Variants in SLAMF8 observed in about 807,000 individuals in gnomAD.
SLAMF8 encodes the protein B lymphocyte activator macrophage expressed.
Under a neutral mutation model 29.0 loss-of-function variants are expected in SLAMF8, and 23 were observed. That is an observed-to-expected ratio of 0.79 (90% confidence interval 0.57 to 1.13). The LOEUF (loss-of-function observed/expected upper bound fraction) is 1.13. SLAMF8 is among the 50% of genes most tolerant of loss of function. The pLI is 0.00. For synonymous variants in SLAMF8, 139 were observed against 145.6 expected, an observed-to-expected ratio of 0.96 and a Z score of 0.32; for missense variants, 381 against 353.1, an observed-to-expected ratio of 1.08 and a Z score of -0.63.
rs1008147780 is a variant in SLAMF8, at chr1:159,837,294, C to A, written c.*2034C>A. The A allele has an allele frequency of 3.0e-6, 3 of 985,340 alleles. No homozygotes were observed. Among genetic ancestry groups the A allele is most frequent in the African/African-American group, 1.7e-5 (1 of 57,230 alleles). The allele number at this position is 985,340 out of a possible 1,614,324, so 61.0% of individuals were successfully genotyped here. ...ACTAATTAACCCTCCACCAAAAAAACACAAAGTGCTTCTGTGAGACCAATT... is the reference window on the plus strand; with the variant it reads ...ACTAATTAACCCTCCACCAAAAAAAAACAAAGTGCTTCTGTGAGACCAATT... On this transcript the variant is annotated 3_prime_UTR_variant, in exon 5 of 5. Transcript: ENST00000289707.
At chr1:159,831,348 G>T (rs764734960) in intron 2 of SLAMF8, among the ~76,000 whole-genome samples, 4 of 151,826 alleles carry the variant, frequency 2.6e-5, no homozygotes, top group African/African-American at 9.7e-5. Context: ...GTCCTTGGGC[G>T]AGCCACTCAG....
intron 2 of SLAMF8, among the ~76,000 whole-genome samples, chr1:159,830,684 A>G (rs1647428067): frequency 6.6e-6 from 1 of 152,210 alleles, no homozygotes; most frequent in African/African-American, 2.4e-5. Flanking sequence ...AAGGAAAAAA[A>G]ATGATGTACC....
At position 159,835,592 on chromosome 1, in the gene SLAMF8, C is replaced by G; in HGVS notation, c.*332C>G. On this transcript the variant is annotated 3_prime_UTR_variant, in exon 5 of 5. Coordinates refer to ENST00000289707, the MANE Select transcript of SLAMF8 (RefSeq NM_020125.3). ...ATTAATAGTCCAAGGCATTCCCTCC[C>G]CCACCACTATTCATAAAGTATTAAC... The G allele has an allele frequency of 9.4e-7, 1 of 1,068,910 alleles. No individual in the cohort carries two copies. Among genetic ancestry groups the G allele is most frequent in the South Asian group, 4.0e-5 (1 of 25,156 alleles). The allele number at this position is 1,068,910 out of a possible 1,614,324, so 66.2% of individuals were successfully genotyped here.
Position 159,829,977 on chromosome 1 carries a change from G to T in SLAMF8, c.152G>T (p.Arg51Leu), listed in dbSNP as rs140969397. The change falls in exon 2 of 5, where the codon CGA becomes CTA. Residue 51 changes from arginine to leucine, a missense_variant. Arg to Leu is a moderately radical substitution (Grantham distance 102). Transcript: ENST00000289707. ...PGFQVREAIW[R>L]SLWPSEELLA... Reference sequence around the variant, plus strand: ...TTCCAAGTCCGTGAGGCTATCTGGCGATCTCTCTGGCCTTCAGAAGAGCTC... The same window carrying T: ...TTCCAAGTCCGTGAGGCTATCTGGCTATCTCTCTGGCCTTCAGAAGAGCTC... 1.2e-6 allele frequency: 2 copies of T among 1,614,242 alleles called. No homozygotes were observed. The highest frequency in any genetic ancestry group is 1.7e-5 in the Admixed American group (1 of 60,032).
At chr1:159,828,534 T>G (rs1483628478) in intron 1 of SLAMF8, among the ~76,000 whole-genome samples, 1 of 152,166 alleles carries the variant, frequency 6.6e-6, no homozygotes, top group Non-Finnish European at 1.5e-5. Context: ...ATAGGGTCAG[T>G]CCTCAGCAGG....
chr1:159,827,015 C>T (rs575765716), intron 1 of SLAMF8, 77 bp downstream of exon 1: 1 of 1,571,078 alleles, frequency 6.4e-7, no homozygotes, highest in Non-Finnish European at 8.7e-7. Context: ...GACGTCTGGG[C>T]AGGGATCCCT....
chr1:159,828,644 G>A (rs971512264), intron 1 of SLAMF8, among the ~76,000 whole-genome samples: 9 of 152,260 alleles, frequency 5.9e-5, no homozygotes, highest in South Asian at 2.1e-4. Flanking sequence ...AAGAGCTCAC[G>A]GTCTAGTGGG....
At position 159,832,898 on chromosome 1, in the gene SLAMF8, A is replaced by G. The variant is rs1303575286; in HGVS notation, c.390A>G (p.Val130=). The change falls in exon 3 of 5, where the codon GTA becomes GTG. Residue 130 remains valine, a synonymous_variant. Coordinates refer to ENST00000289707, the MANE Select transcript of SLAMF8 (RefSeq NM_020125.3). ...CAGATGCAGTGCCCAGGCCCGTGGTACAAGTGTTCATTGCTGTAGAAAGGG... is the reference window on the plus strand; with the variant it reads ...CAGATGCAGTGCCCAGGCCCGTGGTGCAAGTGTTCATTGCTGTAGAAAGGG... ...KVYDAVPRPV[V]QVFIAVERDA... is the part of the protein sequence containing the mutation. The G allele has an allele frequency of 2.5e-6, 4 of 1,614,012 alleles. No individual in the cohort carries two copies. In the African/African-American group the frequency reaches 5.3e-5, roughly 22 times the overall value.
chr1:159,834,396 G>A (rs1647741425), intron 4 of SLAMF8: 1 of 152,244 alleles, frequency 6.6e-6, no homozygotes. Flanking sequence ...CTGTGGGAGG[G>A]TATTGCCCTG....
In SLAMF8 at chr1:159,835,268, T is replaced by C. The variant is rs760163426; in HGVS notation, c.*8T>C. On this transcript the variant is annotated 3_prime_UTR_variant, in exon 5 of 5. Coordinates refer to ENST00000289707, the MANE Select transcript of SLAMF8 (RefSeq NM_020125.3). ...GTGCAGGATCTGCCATAAAGGACAA[T>C]ATGAACTGATGCCTGGACTATCAGT... 10 of 1,612,704 alleles carry C rather than the reference T, an allele frequency of 6.2e-6. No individual in the cohort carries two copies. The South Asian group carries it at 7.7e-5, about 12-fold the overall frequency.
chr1:159,832,241 T>C (rs1014329588), intron 2 of SLAMF8, among the ~76,000 whole-genome samples: 1 of 152,222 alleles, frequency 6.6e-6, no homozygotes, highest in East Asian at 1.9e-4. Flanking sequence ...CTTCACAGCA[T>C]TTTGCACCCT....
Position 159,828,757 on chromosome 1 carries a change from C to T in SLAMF8, c.41-1109C>T, listed in dbSNP as rs539767983. ...ACACAAGAGAGAATATGTAACCTCT[C>T]TTGGTTACATTACCTATGAGGGATA... On this transcript the variant is annotated intron_variant, in intron 1 of 4. Coordinates refer to ENST00000289707, the MANE Select transcript of SLAMF8 (RefSeq NM_020125.3). Among the ~76,000 whole-genome samples, 3 of 152,256 alleles carry T rather than the reference C, an allele frequency of 2.0e-5. No individual in the cohort carries two copies. The South Asian group carries it at 6.2e-4, about 32-fold the overall frequency.
rs766523263 is a variant in SLAMF8 at position 159,833,001 on chromosome 1, C to T, written c.493C>T (p.Arg165Ter). The T allele has an allele frequency of 1.5e-5, 25 of 1,614,194 alleles. No individual in the cohort carries two copies. Among genetic ancestry groups the T allele is most frequent in the South Asian group, 4.4e-5 (4 of 91,084 alleles). ...PNISEITYSW[R>*]RETTMDFGME... Reference sequence around the variant, plus strand: ...CATCAGCGAAATAACCTATAGCTGGCGACGGGAGACAACCATGGACTTTGG... The same window carrying T: ...CATCAGCGAAATAACCTATAGCTGGTGACGGGAGACAACCATGGACTTTGG... Residue 165 changes from arginine (R) to a stop codon, truncating the protein, a stop_gained, in exon 3 of 5, where the codon CGA (arginine) becomes TGA (stop). Coordinates refer to ENST00000289707, the MANE Select transcript of SLAMF8 (RefSeq NM_020125.3). LOFTEE classifies it high-confidence loss of function.
At chr1:159,833,869 T>G (rs1647688133) in intron 4 of SLAMF8, among the ~76,000 whole-genome samples, 1 of 152,190 alleles carries the variant, frequency 6.6e-6, no homozygotes, top group Non-Finnish European at 1.5e-5. Context: ...ATGTCAGTGG[T>G]TCCCAGAACA....
rs74356203 is a variant in SLAMF8 at position 159,836,277 on chromosome 1, G to C, written c.*1017G>C. ...ATGCAAATGCAGAAGACTTACCTTA[G>C]TTCAAGGGGAGGGGACAAAGACCCC... On this transcript the variant is annotated 3_prime_UTR_variant, in exon 5 of 5. Transcript: ENST00000289707. 0.039 allele frequency: 37,953 copies of C among 985,114 alleles called. 745 individuals are homozygous for C. The highest frequency in any genetic ancestry group is 0.042 in the Non-Finnish European group (35,100 of 829,640). 61.0% of individuals were successfully genotyped at this position (985,114 alleles called of 1,614,324 possible). A position where few individuals can be genotyped will look rare whatever the true frequency, so the allele number is the denominator to read the frequency against.
At chr1:159,828,177 G>C (rs1663744444) in intron 1 of SLAMF8, among the ~76,000 whole-genome samples, 1 of 152,194 alleles carries the variant, frequency 6.6e-6, no homozygotes, top group African/African-American at 2.4e-5. Context: ...AAAGATCTGT[G>C]TGACTGACCT....
rs1647829771 is a variant in SLAMF8, at chr1:159,835,255, C to A, written c.853C>A (p.Pro285Thr). 6.2e-7 allele frequency: 1 copy of A among 1,613,536 alleles called. No homozygotes were observed. The change falls in exon 5 of 5, where the codon CCA becomes ACA. Residue 285 changes from proline (P) to threonine (T), a missense_variant. Coordinates refer to ENST00000289707, the MANE Select transcript of SLAMF8 (RefSeq NM_020125.3). The part of the protein sequence containing the change: ...ETENPLVQDL[P>T] ...AGAGAACCCCCTTGTGCAGGATCTG[C>A]CATAAAGGACAATATGAACTGATGC...
In SLAMF8 at chr1:159,835,871, TGG is replaced by T; in HGVS notation, c.*613_*614del. The T allele has an allele frequency of 1.0e-6, 1 of 985,460 alleles. No homozygotes were observed. Among genetic ancestry groups the T allele is most frequent in the Non-Finnish European group, 1.2e-6 (1 of 829,972 alleles). The allele number at this position is 985,460 out of a possible 1,614,324, so 61.0% of individuals were successfully genotyped here. ...AGGACTTTCAGGTAATCAGAGTTCA[TGG>T]GCCCTCAAAGGTAAATTGCAGTTGT... On this transcript the variant is annotated 3_prime_UTR_variant, in exon 5 of 5. Transcript: ENST00000289707.
chr1:159,829,709 A>G (rs1428419945), intron 1 of SLAMF8, among the ~76,000 whole-genome samples, 157 bp from the exon 2 acceptor site: 1 of 152,086 alleles, frequency 6.6e-6, no homozygotes, highest in African/African-American at 2.4e-5. Context: ...TATCTTCCAT[A>G]TGTTTTATCC....
Sources: gnomAD v4.1 joint callset for allele counts (sites outside exome capture counted in the v4.1 genomes callset) on GRCh38, gnomAD v4.1.1 for gene constraint, MANE v1.5 for transcripts, NCBI Gene and HGNC (gene_info 2026-07-23, HGNC 2026-07-21) for gene names.